The following GRM1 variants were observed in gnomAD, a reference collection of about 807,000 sequenced individuals.
The protein encoded by GRM1 is glutamate metabotropic receptor 1.
GRM1 carries 33 observed loss-of-function variants against 90.9 expected under a neutral mutation model. The ratio of observed to expected loss-of-function variants is 0.36; its 90% CI spans 0.28 to 0.49. The LOEUF (loss-of-function observed/expected upper bound fraction) is 0.49. GRM1 is among the 20% of genes least tolerant of loss of function. GRM1 has a pLI of 0.99. For missense variants in GRM1, 1,190 were observed against 1,534.3 expected (o/e 0.78, Z 3.75); for synonymous variants, 700 against 613.2 (o/e 1.14, Z -2.09).
intron 2 of GRM1, among the ~76,000 whole-genome samples, chr6:146,274,349 CAATT>C (rs1411355802): frequency 1.3e-5 from 2 of 152,084 alleles, no homozygotes; most frequent in Non-Finnish European, 2.9e-5. Flanking sequence ...TCAATAAAAT[CAATT>C]TATATAGGCT....
chr6:146,108,580 T>C (rs1775420655), intron 1 of GRM1, among the ~76,000 whole-genome samples: 2 of 152,202 alleles, frequency 1.3e-5, no homozygotes, highest in African/African-American at 4.8e-5. Context: ...CAGGTATGTC[T>C]TTATCAGCAG....
chr6:146,256,733 T>C (rs977103489), intron 2 of GRM1, among the ~76,000 whole-genome samples: 2 of 152,164 alleles, frequency 1.3e-5, no homozygotes, highest in Non-Finnish European at 2.9e-5. Context: ...ATTTTTCCCC[T>C]ACTCCATTGG....
At chr6:146,138,155 T>A (rs1157002718) in intron 1 of GRM1, among the ~76,000 whole-genome samples, 1 of 152,186 alleles carries the variant, frequency 6.6e-6, no homozygotes, top group Non-Finnish European at 1.5e-5. Context: ...TATATCTTTC[T>A]CTTGTCTGAT....
chr6:146,417,602 G>A (rs898007053), intron 7 of GRM1, among the ~76,000 whole-genome samples: 5 of 152,274 alleles, frequency 3.3e-5, no homozygotes, highest in African/African-American at 1.2e-4. Context: ...TCTGCTTCAA[G>A]AGAAATACTA....
At chr6:146,288,661 A>G (rs1245199501) in intron 2 of GRM1, among the ~76,000 whole-genome samples, 1 of 152,056 alleles carries the variant, frequency 6.6e-6, no homozygotes, top group African/African-American at 2.4e-5. Flanking sequence ...GTCAGCCACC[A>G]TGCCCGGCTA....
intron 1 of GRM1, among the ~76,000 whole-genome samples, chr6:146,120,635 T>A (rs1353580739): frequency 6.6e-6 from 1 of 152,048 alleles, no homozygotes; most frequent in Non-Finnish European, 1.5e-5. Context: ...TTATTGAGAG[T>A]TTTTAGCGTG....
At chr6:146,102,644 T>C (rs1583004771) in intron 1 of GRM1, among the ~76,000 whole-genome samples, 1 of 152,216 alleles carries the variant, frequency 6.6e-6, no homozygotes, top group East Asian at 1.9e-4. Context: ...ATGTTGATGA[T>C]TTGATGAACT....
chr6:146,328,345 T>A (rs973652789), intron 3 of GRM1, among the ~76,000 whole-genome samples: 2 of 152,076 alleles, frequency 1.3e-5, no homozygotes, highest in Non-Finnish European at 2.9e-5. Context: ...AAAGACACAC[T>A]GACACAACAA....
intron 5 of GRM1, among the ~76,000 whole-genome samples, chr6:146,370,091 T>C (rs1453492183): frequency 6.6e-6 from 1 of 152,132 alleles, no homozygotes; most frequent in East Asian, 1.9e-4. Flanking sequence ...GCTTTGTCTC[T>C]CTTTACAGTT....
chr6:146,042,461 T>C (rs1424689578), intron 1 of GRM1, among the ~76,000 whole-genome samples: 1 of 151,968 alleles, frequency 6.6e-6, no homozygotes, highest in African/African-American at 2.4e-5. Flanking sequence ...AATTTGAAGA[T>C]AATTGATCAA....
At position 146,215,773 on chromosome 6, in the gene GRM1, T is replaced by C. The variant is rs553472770; in HGVS notation, c.950+56176T>C. On this transcript the variant is annotated intron_variant, in intron 2 of 7. Transcript: ENST00000282753. Reference sequence around the variant, plus strand: ...TATCCACAAACTTTTTTTTTTTTTTTTGAGACAGAGTCTCGCTCTGTTGCC... The same window carrying C: ...TATCCACAAACTTTTTTTTTTTTTTCTGAGACAGAGTCTCGCTCTGTTGCC... Among the ~76,000 whole-genome samples, 6 of 151,956 alleles carry C rather than the reference T, an allele frequency of 3.9e-5. No individual in the cohort carries two copies. In the East Asian group the frequency reaches 1.2e-3, roughly 29 times the overall value.
chr6:146,112,544 C>A (rs1451891201), intron 1 of GRM1, among the ~76,000 whole-genome samples: 1 of 152,106 alleles, frequency 6.6e-6, no homozygotes, highest in Non-Finnish European at 1.5e-5. Flanking sequence ...GAATAGAGAT[C>A]AAGATAGAGA....
intron 2 of GRM1, among the ~76,000 whole-genome samples, chr6:146,282,862 A>G (rs945785279): frequency 6.6e-6 from 1 of 152,168 alleles, no homozygotes; most frequent in African/African-American, 2.4e-5. Flanking sequence ...GTTCTAATAG[A>G]CTGGATAACT....
chr6:146,428,378 A>G (rs542254377), intron 7 of GRM1, among the ~76,000 whole-genome samples: 2 of 152,314 alleles, frequency 1.3e-5, no homozygotes, highest in Admixed American at 6.5e-5. Context: ...AAATAATCCC[A>G]ACAGAGCAAT....
chr6:146,138,938 T>C (rs1036271154), intron 1 of GRM1, among the ~76,000 whole-genome samples: 25 of 150,048 alleles, frequency 1.7e-4, no homozygotes, highest in African/African-American at 5.4e-4. Context: ...GAAATGTTCT[T>C]TTTTTTTTAA....
At chr6:146,107,242 A>G (rs1775343623) in intron 1 of GRM1, among the ~76,000 whole-genome samples, 2 of 152,364 alleles carry the variant, frequency 1.3e-5, no homozygotes, top group South Asian at 4.1e-4. Flanking sequence ...ATTATTGTAT[A>G]TAAGACAAAG....
chr6:146,390,947 A>G (rs1188214466), intron 6 of GRM1, among the ~76,000 whole-genome samples: 1 of 152,114 alleles, frequency 6.6e-6, no homozygotes, highest in African/African-American at 2.4e-5. Flanking sequence ...TGAATTACAA[A>G]CAGAATTTCA....
intron 7 of GRM1, among the ~76,000 whole-genome samples, chr6:146,432,266 G>C (rs1354978859): frequency 6.6e-6 from 1 of 152,122 alleles, no homozygotes; most frequent in Non-Finnish European, 1.5e-5. Context: ...CAAATAATCA[G>C]GTCAAAACTT....
At chr6:146,195,345 G>A (rs1779077601) in intron 2 of GRM1, among the ~76,000 whole-genome samples, 1 of 152,184 alleles carries the variant, frequency 6.6e-6, no homozygotes, top group Non-Finnish European at 1.5e-5. Context: ...CCATAAAAAT[G>A]AGAACTTCAC....
Sources: allele counts gnomAD v4.1 joint callset (sites outside exome capture counted in the v4.1 genomes callset), GRCh38; gene constraint gnomAD v4.1.1; transcripts MANE v1.5; gene names NCBI Gene and HGNC (gene_info 2026-07-23, HGNC 2026-07-21).